Variants in FYB1 observed in about 807,000 individuals in gnomAD.
FYB1 encodes FYN binding protein 1.
In FYB1, 41 loss-of-function variants were observed where a neutral mutation model predicts 94.1. That is an observed-to-expected ratio of 0.44 (90% CI 0.34 to 0.57). FYB1 has a LOEUF of 0.57. FYB1 is among the 20% of genes least tolerant of loss of function. FYB1 has a pLI of 0.02. For synonymous variants in FYB1, 367 were observed against 353.2 expected, an observed-to-expected ratio of 1.04 and a Z score of -0.44; for missense variants, 1,050 against 976.8, an observed-to-expected ratio of 1.07 and a Z score of -1.00.
At chr5:39,114,059 T>TA (rs955009569) in intron 16 of FYB1, among the ~76,000 whole-genome samples, 4 of 151,218 alleles carry the variant, frequency 2.6e-5, no homozygotes, top group African/African-American at 4.8e-5. Context: ...TTATGTAAGT[T>TA]AAAAAAAAAT....
At chr5:39,169,365 A>G in intron 2 of FYB1, 1 of 759,620 alleles carries the variant, frequency 1.3e-6, no homozygotes, top group Non-Finnish European at 2.5e-6. Context: ...AAACCGGTCA[A>G]TTGAACTAGC....
At chr5:39,176,004 G>A (rs1745685317) in intron 2 of FYB1, among the ~76,000 whole-genome samples, 1 of 151,904 alleles carries the variant, frequency 6.6e-6, no homozygotes, top group African/African-American at 2.4e-5. Flanking sequence ...TGTGCTCCAG[G>A]GGCCGGTACA....
At chr5:39,197,226 C>T (rs1027669663) in intron 2 of FYB1, among the ~76,000 whole-genome samples, 1 of 152,112 alleles carries the variant, frequency 6.6e-6, no homozygotes, top group Non-Finnish European at 1.5e-5. Flanking sequence ...TCATTTTGCT[C>T]CCGTCAATAA....
chr5:39,164,818 C>G (rs191097626), intron 2 of FYB1, among the ~76,000 whole-genome samples: 1 of 152,292 alleles, frequency 6.6e-6, no homozygotes, highest in East Asian at 1.9e-4. Flanking sequence ...GTGGTTCATC[C>G]AGGAAGCAAG....
At chr5:39,251,164 G>A (rs1164368776) in intron 1 of FYB1, among the ~76,000 whole-genome samples, 4 of 152,072 alleles carry the variant, frequency 2.6e-5, no homozygotes, top group East Asian at 3.9e-4. Flanking sequence ...CTGGAAAAAC[G>A]GAAAATAGAG....
intron 1 of FYB1, chr5:39,270,569 C>A (rs773701368): frequency 6.5e-7 from 1 of 1,534,996 alleles, no homozygotes; most frequent in South Asian, 1.2e-5. Context: ...TATTACTTAC[C>A]ATTTTTATTG....
chr5:39,163,202 A>G (rs1209707434), intron 2 of FYB1, among the ~76,000 whole-genome samples: 1 of 152,204 alleles, frequency 6.6e-6, no homozygotes, highest in African/African-American at 2.4e-5. Context: ...TCTTCAAAGG[A>G]TTTGTAAACC....
chr5:39,165,242 C>T lies in FYB1; in HGVS notation c.1136-11638G>A, dbSNP rs149124422. Among the ~76,000 whole-genome samples the T allele has an allele frequency of 1.6e-3, 237 of 152,198 alleles. 1 individual carries two copies. The highest frequency in any genetic ancestry group is 5.4e-3 in the African/African-American group (226 of 41,534). On this transcript the variant is annotated intron_variant, in intron 2 of 18. Transcript: ENST00000512982. ...TCACATTACCTGTCTTCAAATTATA[C>T]GACAAGGCTATAGCAACCAAAACGG...
intron 2 of FYB1, among the ~76,000 whole-genome samples, chr5:39,179,488 G>C (rs1390128872): frequency 6.6e-6 from 1 of 151,912 alleles, no homozygotes; most frequent in African/African-American, 2.4e-5. Context: ...TTTCTCCCAC[G>C]GATGCTCTGA....
At chr5:39,211,370 C>G (rs770028438) in intron 1 of FYB1, among the ~76,000 whole-genome samples, 38 of 148,496 alleles carry the variant, frequency 2.6e-4, no homozygotes, top group Non-Finnish European at 4.3e-4. Context: ...GCCCAGGCTG[C>G]AGTGCAGTGG....
In FYB1 at chr5:39,182,807, G is replaced by A. The variant is rs150841484; in HGVS notation, c.1135+19019C>T. ...AACAGTTAGCCCTTCTGCCCTGCAC[G>A]GCATTTGTGCTATTGTTTCCTTTTC... On this transcript the variant is annotated intron_variant, in intron 2 of 18. Transcript: ENST00000512982. 2.4e-4 allele frequency among the ~76,000 whole-genome samples: 36 copies of A among 152,254 alleles called. No individual in the cohort carries two copies. In the South Asian group the frequency reaches 2.7e-3, roughly 11 times the overall value.
intron 2 of FYB1, chr5:39,170,004 T>G: frequency 1.4e-6 from 1 of 740,080 alleles, no homozygotes; most frequent in Non-Finnish European, 2.4e-6. Context: ...CAAATTGGGA[T>G]GAAGGCCTAG....
intron 4 of FYB1, among the ~76,000 whole-genome samples, chr5:39,140,596 A>T (rs1299887566): frequency 6.6e-6 from 1 of 152,204 alleles, no homozygotes; most frequent in African/African-American, 2.4e-5. Flanking sequence ...CTTAAGGATA[A>T]GTCTCTGAGA....
chr5:39,108,946 A>G (rs1021585596), intron 17 of FYB1, among the ~76,000 whole-genome samples: 4 of 152,102 alleles, frequency 2.6e-5, no homozygotes, highest in African/African-American at 4.8e-5. Flanking sequence ...GTACCAGGAG[A>G]CAAAAATTTG....
chr5:39,153,334 C>T, intron 3 of FYB1, 114 bp downstream of exon 3: 1 of 1,317,676 alleles, frequency 7.6e-7, no homozygotes, highest in East Asian at 2.3e-5. Context: ...TGCCAGCTGC[C>T]CACTTTTGTA....
chr5:39,174,597 G>T (rs2150406927), intron 2 of FYB1, among the ~76,000 whole-genome samples: 1 of 152,262 alleles, frequency 6.6e-6, no homozygotes, highest in Non-Finnish European at 1.5e-5. Context: ...CCAAGGTCCA[G>T]ATAAGTTTAA....
At chr5:39,115,161 T>A (rs965916496) in intron 16 of FYB1, among the ~76,000 whole-genome samples, 1 of 151,158 alleles carries the variant, frequency 6.6e-6, no homozygotes, top group African/African-American at 2.4e-5. Flanking sequence ...AGTGGTGCAA[T>A]CTCGGCTAAC....
At chr5:39,184,965 A>C (rs1180902654) in intron 2 of FYB1, among the ~76,000 whole-genome samples, 2 of 152,190 alleles carry the variant, frequency 1.3e-5, no homozygotes, top group Non-Finnish European at 1.5e-5. Context: ...ATATACATTC[A>C]TTCTTTTCCC....
At chr5:39,273,584 G>T (rs565724759) in intron 1 of FYB1, among the ~76,000 whole-genome samples, 1 of 152,320 alleles carries the variant, frequency 6.6e-6, no homozygotes, top group African/African-American at 2.4e-5. Context: ...TATGGGCACT[G>T]CAATTAGTCC....
Sources: gnomAD v4.1 joint callset for allele counts (sites outside exome capture counted in the v4.1 genomes callset) on GRCh38, gnomAD v4.1.1 for gene constraint, MANE v1.5 for transcripts, NCBI Gene and HGNC (gene_info 2026-07-23, HGNC 2026-07-21) for gene names.